The following PCGF5 variants were observed in gnomAD, a reference collection of about 807,000 sequenced individuals.
The protein encoded by PCGF5 is polycomb group ring finger 5, also known as polycomb group RING finger protein 5.
A neutral mutation model predicts 44.3 loss-of-function variants in PCGF5; 9 were observed. The ratio of observed to expected loss-of-function variants is 0.20; its 90% CI spans 0.12 to 0.35. PCGF5 has a LOEUF of 0.35. PCGF5 is among the 10% of genes least tolerant of loss of function. The pLI, the probability that PCGF5 is intolerant of heterozygous loss-of-function variation, is 1.00. For synonymous variants in PCGF5, 95 were observed against 102.5 expected, an observed-to-expected ratio of 0.93 and a Z score of 0.44; for missense variants, 146 against 305.3, an observed-to-expected ratio of 0.48 and a Z score of 3.89.
At chr10:91,186,983 A>T (rs1589358279) in intron 1 of PCGF5, among the ~76,000 whole-genome samples, 1 of 152,188 alleles carries the variant, frequency 6.6e-6, no homozygotes, top group Non-Finnish European at 1.5e-5. Flanking sequence ...TGTGCACAGA[A>T]ATACTGGGAA....
In PCGF5 at chr10:91,264,447, A is replaced by G; in HGVS notation, c.590A>G (p.Asn197Ser). 6.2e-7 allele frequency: 1 copy of G among 1,610,598 alleles called. No homozygotes were observed. Among genetic ancestry groups the G allele is most frequent in the Non-Finnish European group, 8.5e-7 (1 of 1,178,372 alleles). ...TTTTTAAAGTTGGATGTGCTGTGCA[A>G]TGGTGAAATTATGGGGAAGGATCAT... ...PSSYELDVLC[N>S]GEIMGKDHTM... Residue 197 changes from asparagine (N) to serine (S), a missense_variant, in exon 8 of 10, where the codon AAT (asparagine) becomes AGT (serine). Transcript: ENST00000336126.
At chr10:91,157,353 A>G in the PCGF5 span, among the ~76,000 whole-genome samples, 1 of 152,214 alleles carries the variant, frequency 6.6e-6, no homozygotes, top group Admixed American at 6.5e-5. Context: ...GAAAGGCTTG[A>G]CAATATAAAC....
At chr10:91,163,667 G>A (rs1843437567) in intron 1 of PCGF5, among the ~76,000 whole-genome samples, 1 of 152,122 alleles carries the variant, frequency 6.6e-6, no homozygotes, top group African/African-American at 2.4e-5. Context: ...GATTAGCTCA[G>A]GTTATTATAT....
At chr10:91,219,370 C>T (rs1372943427), upstream of PCGF5, among the ~76,000 whole-genome samples, 2 of 152,174 alleles carry the variant, frequency 1.3e-5, no homozygotes, top group African/African-American at 2.4e-5. Flanking sequence ...GTTTCAGACA[C>T]AAAATAGGAA....
Position 91,236,701 on chromosome 10 carries a change from T to G in PCGF5, c.113-3783T>G, listed in dbSNP as rs548034988. On this transcript the variant is annotated intron_variant, in intron 2 of 9. Coordinates refer to ENST00000336126, the MANE Select transcript of PCGF5 (RefSeq NM_032373.5). ...TAAGAATTAGAAGTGAGTTTTGTAG[T>G]GATGAGAAGTTTTTTAAGCATCTAT... 1.1e-4 allele frequency among the ~76,000 whole-genome samples: 17 copies of G among 152,338 alleles called. No individual in the cohort carries two copies. The East Asian group carries it at 3.3e-3, about 29-fold the overall frequency.
At position 91,205,700 on chromosome 10, in the gene PCGF5, T is replaced by G. The variant is rs555721347; in HGVS notation, c.-183-16989T>G. Among the ~76,000 whole-genome samples, 11 of 152,292 alleles carry G rather than the reference T, an allele frequency of 7.2e-5. No homozygotes were observed. In the East Asian group the frequency reaches 2.1e-3, roughly 29 times the overall value. ...TATTTACAGTTAATAAAACTGAGGC[T>G]GGGCGTGGTGGCTCACCCCTGTAAT... On this transcript the variant is annotated intron_variant, in intron 1 of 9. Transcript: ENST00000614189.
Position 91,278,252 on chromosome 10 carries a change from C to G in PCGF5, c.724-17C>G, listed in dbSNP as rs1303939086. 6.3e-6 allele frequency: 10 copies of G among 1,585,366 alleles called. No individual in the cohort carries two copies. Among genetic ancestry groups the G allele is most frequent in the African/African-American group, 1.3e-5 (1 of 74,202 alleles). ...ATCCAAATACAGTCTTATTTATTAT[C>G]TGTCTTTATTTTGTAGTCATACCCT... is the stretch of plus-strand genomic sequence containing the variant. On this transcript the variant is annotated splice_polypyrimidine_tract_variant and intron_variant, in intron 9 of 9. Coordinates refer to ENST00000336126, the MANE Select transcript of PCGF5 (RefSeq NM_032373.5).
chr10:91,251,254 T>C (rs763175599), intron 5 of PCGF5, 38 bp from the exon 6 acceptor site: 10 of 1,528,176 alleles, frequency 6.5e-6, no homozygotes, highest in Non-Finnish European at 7.1e-6. Flanking sequence ...AAATCAACTT[T>C]GATTTATAGC....
At chr10:91,203,116 G>C (rs1295339467) in intron 1 of PCGF5, among the ~76,000 whole-genome samples, 1 of 152,128 alleles carries the variant, frequency 6.6e-6, no homozygotes, top group African/African-American at 2.4e-5. Flanking sequence ...CAAACCCCTT[G>C]GTACTAAGCA....
chr10:91,252,107 T>G (rs1845635754), intron 6 of PCGF5, among the ~76,000 whole-genome samples: 2 of 152,164 alleles, frequency 1.3e-5, no homozygotes, highest in African/African-American at 4.8e-5. Context: ...AATAATGTTT[T>G]CTACCTTTTT....
intron 2 of PCGF5, among the ~76,000 whole-genome samples, chr10:91,236,570 T>C (rs564267813): frequency 6.6e-6 from 1 of 152,194 alleles, no homozygotes; most frequent in Non-Finnish European, 1.5e-5. Context: ...CTTGGACCAA[T>C]TGGGTTAACC....
At chr10:91,168,455 C>A (rs1343822346) in intron 1 of PCGF5, among the ~76,000 whole-genome samples, 1 of 152,082 alleles carries the variant, frequency 6.6e-6, no homozygotes, top group Non-Finnish European at 1.5e-5. Flanking sequence ...CTTTGAGGAA[C>A]AGAGTCAGTT....
At chr10:91,159,599 G>C (rs1310696437), upstream of PCGF5, among the ~76,000 whole-genome samples, 1 of 152,204 alleles carries the variant, frequency 6.6e-6, no homozygotes, top group African/African-American at 2.4e-5. Flanking sequence ...CCAGCCTCCA[G>C]AACTGTGAGA....
chr10:91,178,380 C>T (rs563122881), intron 1 of PCGF5, among the ~76,000 whole-genome samples: 12 of 144,504 alleles, frequency 8.3e-5, no homozygotes, highest in African/African-American at 2.4e-4. Context: ...GTTTCTCTTT[C>T]TTTTCTTTTC....
At chr10:91,213,602 TTA>T (rs1194148500) in intron 1 of PCGF5, among the ~76,000 whole-genome samples, 1 of 151,972 alleles carries the variant, frequency 6.6e-6, no homozygotes, top group Non-Finnish European at 1.5e-5. Context: ...GTAGCTGGGA[TTA>T]TAGGCATGCA....
intron 1 of PCGF5, among the ~76,000 whole-genome samples, chr10:91,213,240 G>C (rs1455919465): frequency 6.6e-6 from 1 of 152,134 alleles, no homozygotes; most frequent in Non-Finnish European, 1.5e-5. Flanking sequence ...ATGTAAGAGA[G>C]ATGAATCAAA....
chr10:91,157,370 TTTA>T, the PCGF5 span, among the ~76,000 whole-genome samples: 1 of 152,320 alleles, frequency 6.6e-6, no homozygotes, highest in Non-Finnish European at 1.5e-5. Context: ...AAACTCATAT[TTTA>T]TTGATAGTCT....
chr10:91,184,616 T>C (rs1252185152), intron 1 of PCGF5, among the ~76,000 whole-genome samples: 1 of 152,226 alleles, frequency 6.6e-6, no homozygotes, highest in African/African-American at 2.4e-5. Flanking sequence ...GATACAGTCA[T>C]TTGGAGGAAA....
chr10:91,257,359 A>ATT (rs1348970521), intron 6 of PCGF5, among the ~76,000 whole-genome samples: 43 of 152,094 alleles, frequency 2.8e-4, no homozygotes, highest in African/African-American at 9.9e-4. Context: ...GCTAGTGGGA[A>ATT]GGTGAAAGTG....
Sources: gnomAD v4.1 joint callset for allele counts (sites outside exome capture counted in the v4.1 genomes callset) on GRCh38, gnomAD v4.1.1 for gene constraint, MANE v1.5 for transcripts, NCBI Gene and HGNC (gene_info 2026-07-23, HGNC 2026-07-21) for gene names.